FHIT: variants seen among roughly 807,000 people sequenced by gnomAD.
FHIT encodes the protein bis(5'-adenosyl)-triphosphatase.
In FHIT, 19 loss-of-function variants were observed where a neutral mutation model predicts 17.9. The observed-to-expected ratio is 1.06, with a 90% CI of 0.74 to 1.56. The LOEUF (loss-of-function observed/expected upper bound fraction) is 1.56. FHIT is among the 40% of genes most tolerant of loss of function. The pLI is 0.00. For synonymous variants in FHIT, 81 were observed against 69.7 expected, an observed-to-expected ratio of 1.16 and a Z score of -0.81; for missense variants, 248 against 189.2, an observed-to-expected ratio of 1.31 and a Z score of -1.82.
intron 5 of FHIT, among the ~76,000 whole-genome samples, chr3:60,261,083 T>A (rs1443108989): frequency 6.6e-6 from 1 of 152,102 alleles, no homozygotes; most frequent in African/African-American, 2.4e-5. Context: ...GTATTTTCAG[T>A]TGAGCAGCCC....
At chr3:61,203,451 T>C (rs1196816939) in intron 1 of FHIT, among the ~76,000 whole-genome samples, 2 of 152,008 alleles carry the variant, frequency 1.3e-5, no homozygotes, top group African/African-American at 2.4e-5. Context: ...AAAAAATTGT[T>C]TAGTGCTCAC....
Position 60,641,071 on chromosome 3 carries a change from T to C in FHIT, c.-17-104092A>G, listed in dbSNP as rs567306455. On this transcript the variant is annotated intron_variant, in intron 4 of 9. Coordinates refer to ENST00000492590, the MANE Select transcript of FHIT (RefSeq NM_002012.4). Reference sequence around the variant, plus strand: ...GGTGGGTACCTGTAATCCCAGCTACTTGGGAGGCTGAGGCAGGAGAATTGC... The same window carrying C: ...GGTGGGTACCTGTAATCCCAGCTACCTGGGAGGCTGAGGCAGGAGAATTGC... Among the ~76,000 whole-genome samples, 3 of 152,188 alleles carry C rather than the reference T, an allele frequency of 2.0e-5. No individual in the cohort carries two copies. In the South Asian group the frequency reaches 6.2e-4, roughly 32 times the overall value.
At chr3:60,490,553 C>CTAA (rs2034021537) in intron 5 of FHIT, among the ~76,000 whole-genome samples, 3 of 140,986 alleles carry the variant, frequency 2.1e-5, no homozygotes. Context: ...CTCTTTTAAA[C>CTAA]CTCTTGCTCC....
chr3:59,953,542 G>A (rs1357727641), intron 7 of FHIT, among the ~76,000 whole-genome samples: 1 of 152,122 alleles, frequency 6.6e-6, no homozygotes, highest in Non-Finnish European at 1.5e-5. Flanking sequence ...CATATCTTTA[G>A]CAAGGTATCT....
At chr3:59,761,618 T>A (rs1265523096) in intron 8 of FHIT, among the ~76,000 whole-genome samples, 2 of 152,102 alleles carry the variant, frequency 1.3e-5, no homozygotes, top group African/African-American at 2.4e-5. Flanking sequence ...TTTATTTTTT[T>A]TTTTTCGAGA....
intron 3 of FHIT, among the ~76,000 whole-genome samples, chr3:60,964,871 C>G (rs1478950139): frequency 6.6e-6 from 1 of 152,130 alleles, no homozygotes; most frequent in Non-Finnish European, 1.5e-5. Flanking sequence ...ACATTTTTTC[C>G]TTCATTTCAA....
intron 5 of FHIT, among the ~76,000 whole-genome samples, chr3:60,280,640 C>T (rs1476640066): frequency 1.3e-5 from 2 of 152,132 alleles, no homozygotes; most frequent in African/African-American, 4.8e-5. Flanking sequence ...CCCTCCACAG[C>T]TTCTGTGGGA....
chr3:60,907,235 G>A (rs1367610236), intron 3 of FHIT, among the ~76,000 whole-genome samples: 1 of 152,148 alleles, frequency 6.6e-6, no homozygotes, highest in Non-Finnish European at 1.5e-5. Flanking sequence ...ATATGACTCT[G>A]CTGTGATCCA....
intron 1 of FHIT, among the ~76,000 whole-genome samples, chr3:61,207,477 C>A (rs950766131): frequency 3.2e-4 from 48 of 152,190 alleles, no homozygotes; most frequent in Non-Finnish European, 6.2e-4. Flanking sequence ...TAAGCTATTA[C>A]TTATTGCCTC....
chr3:60,884,412 C>T (rs1705120917), intron 3 of FHIT, among the ~76,000 whole-genome samples: 1 of 152,106 alleles, frequency 6.6e-6, no homozygotes, highest in South Asian at 2.1e-4. Context: ...TATCTGCATA[C>T]CCATGTTTAC....
intron 3 of FHIT, among the ~76,000 whole-genome samples, chr3:61,016,971 G>C (rs957052297): frequency 2.2e-4 from 34 of 152,178 alleles, no homozygotes; most frequent in African/African-American, 7.2e-4. Context: ...TAATGCAAGA[G>C]TAGTAATGAG....
intron 2 of FHIT, among the ~76,000 whole-genome samples, chr3:61,071,468 A>C (rs1410697751): frequency 6.6e-6 from 1 of 152,214 alleles, no homozygotes; most frequent in Non-Finnish European, 1.5e-5. Context: ...GCTCATTTAC[A>C]GTGTTACTTC....
At chr3:61,105,550 T>C (rs565840803) in intron 2 of FHIT, among the ~76,000 whole-genome samples, 1 of 152,226 alleles carries the variant, frequency 6.6e-6, no homozygotes, top group South Asian at 2.1e-4. Flanking sequence ...GAGTGACTTT[T>C]TTAAATTAAA....
At chr3:59,972,695 C>G (rs1450412870) in intron 7 of FHIT, among the ~76,000 whole-genome samples, 1 of 152,120 alleles carries the variant, frequency 6.6e-6, no homozygotes, top group African/African-American at 2.4e-5. Context: ...ATGCCTGACC[C>G]TGCTCTGCTC....
intron 7 of FHIT, among the ~76,000 whole-genome samples, chr3:59,923,894 AAGC>A (rs1332883388): frequency 6.6e-6 from 1 of 152,180 alleles, no homozygotes; most frequent in Non-Finnish European, 1.5e-5. Context: ...AGGAGCTTCA[AAGC>A]AGCCCCTGAG....
chr3:60,444,904 CTT>C (rs1039791816), intron 5 of FHIT, among the ~76,000 whole-genome samples: 13 of 151,536 alleles, frequency 8.6e-5, no homozygotes, highest in African/African-American at 2.9e-4. Context: ...TGTCTTGAAA[CTT>C]TGTTTTTGCC....
chr3:60,779,775 C>T (rs1189315007), intron 4 of FHIT, among the ~76,000 whole-genome samples: 1 of 152,084 alleles, frequency 6.6e-6, no homozygotes, highest in Non-Finnish European at 1.5e-5. Flanking sequence ...CAAATGACAA[C>T]AGAAGTTAAA....
chr3:61,249,308 T>C (rs2040557362), intron 1 of FHIT, among the ~76,000 whole-genome samples: 1 of 152,224 alleles, frequency 6.6e-6, no homozygotes, highest in Non-Finnish European at 1.5e-5. Context: ...TCCTAATCTC[T>C]AAAATAAAGG....
At chr3:60,292,390 C>A (rs950905050) in intron 5 of FHIT, among the ~76,000 whole-genome samples, 3 of 151,948 alleles carry the variant, frequency 2.0e-5, no homozygotes, top group Admixed American at 1.3e-4. Flanking sequence ...GGGAGTTCCC[C>A]TTCCCCTTCC....
Sources: allele counts gnomAD v4.1 joint callset (sites outside exome capture counted in the v4.1 genomes callset), GRCh38; gene constraint gnomAD v4.1.1; transcripts MANE v1.5; gene names NCBI Gene and HGNC (gene_info 2026-07-23, HGNC 2026-07-21).